The following DLC1 variants were observed in gnomAD, a reference collection of about 807,000 sequenced individuals.
The protein encoded by DLC1 is DLC1 Rho GTPase activating protein, also known as rho GTPase-activating protein 7.
DLC1 carries 54 observed loss-of-function variants against 140.3 expected under a neutral mutation model. The observed-to-expected ratio is 0.38, with a 90% confidence interval of 0.31 to 0.48. The LOEUF is 0.48. DLC1 is among the 20% of genes least tolerant of loss of function. The pLI, the probability that DLC1 is intolerant of heterozygous loss-of-function variation, is 0.96. For missense variants in DLC1, 2,536 were observed against 1,907.0 expected (o/e 1.33, Z -6.14); for synonymous variants, 986 against 728.1 (o/e 1.35, Z -5.70).
At chr8:13,507,033 A>C (rs1037553283) in intron 1 of DLC1, among the ~76,000 whole-genome samples, 1 of 152,170 alleles carries the variant, frequency 6.6e-6, no homozygotes, top group Non-Finnish European at 1.5e-5. Context: ...ACGATCAACA[A>C]CCTGGAAACA....
chr8:13,367,259 T>C (rs1042568870), intron 4 of DLC1, among the ~76,000 whole-genome samples: 5 of 151,988 alleles, frequency 3.3e-5, no homozygotes, highest in Non-Finnish European at 5.9e-5. Flanking sequence ...ACCTGCAGGG[T>C]TTATAACTCA....
At chr8:13,507,683 C>T (rs1203149776) in intron 1 of DLC1, among the ~76,000 whole-genome samples, 2 of 152,010 alleles carry the variant, frequency 1.3e-5, no homozygotes, top group Non-Finnish European at 2.9e-5. Flanking sequence ...AACATGAATC[C>T]CTGTTAAAAG....
chr8:13,226,271 G>A (rs960058565), intron 5 of DLC1, among the ~76,000 whole-genome samples: 1 of 151,998 alleles, frequency 6.6e-6, no homozygotes, highest in Non-Finnish European at 1.5e-5. Flanking sequence ...ATTTATATTT[G>A]GAAATTTCTC....
chr8:13,153,659 C>A (rs1037673013), intron 5 of DLC1, among the ~76,000 whole-genome samples: 8 of 152,122 alleles, frequency 5.3e-5, no homozygotes, highest in African/African-American at 1.9e-4. Flanking sequence ...ACACAGAGTG[C>A]TGATTGGTGC....
chr8:13,500,995 C>G (rs1801786111), intron 1 of DLC1, among the ~76,000 whole-genome samples: 1 of 152,140 alleles, frequency 6.6e-6, no homozygotes, highest in African/African-American at 2.4e-5. Context: ...CTGAGATAGT[C>G]AACAAACTTC....
At chr8:13,373,912 T>A (rs1835842565) in intron 4 of DLC1, among the ~76,000 whole-genome samples, 1 of 152,350 alleles carries the variant, frequency 6.6e-6, no homozygotes, top group East Asian at 1.9e-4. Context: ...ATATTCATAA[T>A]GTTAAAATCC....
At chr8:13,435,376 C>T (rs1246194341) in intron 2 of DLC1, among the ~76,000 whole-genome samples, 5 of 152,208 alleles carry the variant, frequency 3.3e-5, no homozygotes, top group East Asian at 3.9e-4. Flanking sequence ...TGCAATGGCT[C>T]GATCTCGGCT....
rs549374538 is a variant in DLC1 at position 13,599,168 on chromosome 8, G to C, written c.-126+5369C>G. On this transcript the variant is annotated intron_variant, in intron 1 of 1. Transcript: ENST00000631382. Reference sequence around the variant, plus strand: ...AGACACAGAATAAAAATATACCCCTGACATGTGTGAATAAGACAAAGGGAA... The same window carrying C: ...AGACACAGAATAAAAATATACCCCTCACATGTGTGAATAAGACAAAGGGAA... 4.2e-4 allele frequency among the ~76,000 whole-genome samples: 64 copies of C among 151,726 alleles called. 1 individual carries two copies. Among genetic ancestry groups the C allele is most frequent in the Non-Finnish European group, 8.4e-4 (57 of 67,816 alleles).
At chr8:13,178,189 A>C (rs911542825) in intron 5 of DLC1, among the ~76,000 whole-genome samples, 7 of 152,188 alleles carry the variant, frequency 4.6e-5, no homozygotes, top group Non-Finnish European at 1.0e-4. Context: ...TTAGAGGAAA[A>C]GTAGAACTCA....
chr8:13,413,517 C>T (rs138999795), intron 2 of DLC1, among the ~76,000 whole-genome samples: 16 of 149,216 alleles, frequency 1.1e-4, no homozygotes, highest in Non-Finnish European at 1.8e-4. Context: ...TATATATACA[C>T]GTATATGCAC....
intron 5 of DLC1, among the ~76,000 whole-genome samples, chr8:13,182,117 T>A (rs1215914898): frequency 2.0e-5 from 3 of 152,228 alleles, no homozygotes; most frequent in African/African-American, 4.8e-5. Context: ...ATGTGTCTGT[T>A]GGCTGCATAG....
rs1445424613 is a variant in DLC1, at chr8:13,132,002, A to T, written c.1349-16345T>A. Among the ~76,000 whole-genome samples the T allele has an allele frequency of 2.0e-5, 3 of 152,132 alleles. No homozygotes were observed. In the East Asian group the frequency reaches 5.8e-4, roughly 29 times the overall value. On this transcript the variant is annotated intron_variant, in intron 5 of 17. Coordinates refer to ENST00000276297, the MANE Select transcript of DLC1 (RefSeq NM_182643.3). ...TCGCCCCAGGACTCTGGAGGTGGGG[A>T]CAGCGACATGGAGTGGGGGCAGGCT...
At chr8:13,328,676 G>C (rs771473661) in intron 4 of DLC1, among the ~76,000 whole-genome samples, 5 of 152,116 alleles carry the variant, frequency 3.3e-5, no homozygotes, top group Admixed American at 6.6e-5. Flanking sequence ...CTTATATTTT[G>C]AGACTTTGAC....
intron 2 of DLC1, among the ~76,000 whole-genome samples, chr8:13,406,181 GTTT>G (rs77753653): frequency 1.2e-5 from 1 of 84,958 alleles, no homozygotes; most frequent in Non-Finnish European, 2.2e-5. Context: ...TAATTTTTGT[GTTT>G]TTTTTTTTTT....
At chr8:13,182,273 C>G (rs899435428) in intron 5 of DLC1, among the ~76,000 whole-genome samples, 1 of 151,916 alleles carries the variant, frequency 6.6e-6, no homozygotes, top group East Asian at 1.9e-4. Context: ...TGTAGGTTGC[C>G]TATTCACTCT....
At chr8:13,525,331 A>G (rs926506502) in intron 1 of DLC1, among the ~76,000 whole-genome samples, 13 of 152,232 alleles carry the variant, frequency 8.5e-5, no homozygotes, top group Non-Finnish European at 1.8e-4. Context: ...GTATGTATAC[A>G]TTCTTTAATT....
intron 1 of DLC1, among the ~76,000 whole-genome samples, chr8:13,502,226 G>A (rs183790694): frequency 7.2e-5 from 11 of 152,256 alleles, no homozygotes; most frequent in African/African-American, 1.9e-4. Flanking sequence ...AGTTCAACAA[G>A]TTCTGAGACA....
intron 1 of DLC1, among the ~76,000 whole-genome samples, chr8:13,549,454 C>G (rs1454628322): frequency 6.6e-6 from 1 of 152,134 alleles, no homozygotes; most frequent in African/African-American, 2.4e-5. Context: ...TTAACTGCTT[C>G]AACCCTCCAA....
chr8:13,208,737 TACACACAGACACACACACACACACAC>T (rs1461200127), intron 5 of DLC1, among the ~76,000 whole-genome samples: 1 of 104,430 alleles, frequency 9.6e-6, no homozygotes, highest in Non-Finnish European at 1.8e-5. Context: ...CACACACACA[TACACACAGACACACACACACACACAC>T]ACACACACAC....
Sources: gnomAD v4.1 joint callset for allele counts (sites outside exome capture counted in the v4.1 genomes callset) on GRCh38, gnomAD v4.1.1 for gene constraint, MANE v1.5 for transcripts, NCBI Gene and HGNC (gene_info 2026-07-23, HGNC 2026-07-21) for gene names.